OSBPL10: variants seen among roughly 807,000 people sequenced by gnomAD.
The protein encoded by OSBPL10 is oxysterol binding protein like 10, also known as oxysterol-binding protein-related protein 10.
Under a neutral mutation model 81.7 loss-of-function variants are expected in OSBPL10, and 49 were observed. The observed-to-expected ratio is 0.60, with a 90% CI of 0.48 to 0.76. The LOEUF (loss-of-function observed/expected upper bound fraction) is 0.76. Among genes scored for constraint, OSBPL10 ranks in the 30% least tolerant of loss-of-function variants. The pLI, the probability that OSBPL10 is intolerant of heterozygous loss-of-function variation, is 0.00. For synonymous variants in OSBPL10, 419 were observed against 383.6 expected, an observed-to-expected ratio of 1.09 and a Z score of -1.08; for missense variants, 923 against 987.8, an observed-to-expected ratio of 0.93 and a Z score of 0.88.
chr3:31,763,791 C>A (rs891975179), intron 4 of OSBPL10, among the ~76,000 whole-genome samples: 4 of 152,050 alleles, frequency 2.6e-5, no homozygotes, highest in Non-Finnish European at 4.4e-5. Context: ...AGAAAAAAAA[C>A]TGGGCAAAAA....
chr3:31,923,424 G>A (rs917190869), intron 1 of OSBPL10, among the ~76,000 whole-genome samples: 1 of 152,142 alleles, frequency 6.6e-6, no homozygotes, highest in Non-Finnish European at 1.5e-5. Flanking sequence ...GGATCGTAAC[G>A]AGGAAATAAA....
intron 1 of OSBPL10, among the ~76,000 whole-genome samples, chr3:32,070,136 C>G (rs1003441401): frequency 2.0e-5 from 3 of 152,186 alleles, no homozygotes; most frequent in African/African-American, 7.2e-5. Flanking sequence ...CTTTAGGTAA[C>G]TCTTATGGTG....
intron 1 of OSBPL10, among the ~76,000 whole-genome samples, chr3:31,908,342 G>A (rs1441954357): frequency 2.0e-5 from 3 of 152,196 alleles, no homozygotes; most frequent in Non-Finnish European, 4.4e-5. Flanking sequence ...GTGGAGAAAG[G>A]GGGATCCACT....
chr3:31,926,127 G>A (rs984152213), intron 1 of OSBPL10, among the ~76,000 whole-genome samples: 3 of 152,176 alleles, frequency 2.0e-5, no homozygotes, highest in African/African-American at 7.2e-5. Context: ...TTTGAGGACA[G>A]GGATGTTTCC....
intron 4 of OSBPL10, among the ~76,000 whole-genome samples, chr3:31,759,069 G>T (rs187393746): frequency 1.1e-4 from 17 of 152,266 alleles, no homozygotes; most frequent in Admixed American, 1.1e-3. Flanking sequence ...CTACACAAAG[G>T]TTAAAAATTG....
chr3:31,970,220 A>C (rs1427601005), intron 1 of OSBPL10, among the ~76,000 whole-genome samples: 1 of 152,166 alleles, frequency 6.6e-6, no homozygotes, highest in Non-Finnish European at 1.5e-5. Context: ...CTTGCAAAAG[A>C]AGCATATTCC....
chr3:32,045,108 C>A (rs1473861325), intron 2 of OSBPL10, among the ~76,000 whole-genome samples: 1 of 152,178 alleles, frequency 6.6e-6, no homozygotes, highest in Admixed American at 6.5e-5. Context: ...AGAGGCCTTG[C>A]CTTTTAAGAT....
chr3:31,974,555 A>G (rs552229707), intron 1 of OSBPL10, among the ~76,000 whole-genome samples: 11 of 152,342 alleles, frequency 7.2e-5, no homozygotes, highest in African/African-American at 2.4e-4. Flanking sequence ...CCAAATAGCA[A>G]TGAAAATAAA....
At chr3:31,855,324 G>C (rs1018735191) in intron 3 of OSBPL10, among the ~76,000 whole-genome samples, 2 of 152,190 alleles carry the variant, frequency 1.3e-5, no homozygotes, top group African/African-American at 4.8e-5. Flanking sequence ...TCGGTGAGTT[G>C]TCATGTATCT....
chr3:31,790,319 T>C (rs1446462647), intron 4 of OSBPL10, among the ~76,000 whole-genome samples: 1 of 152,218 alleles, frequency 6.6e-6, no homozygotes, highest in Non-Finnish European at 1.5e-5. Flanking sequence ...TAAATTAGGA[T>C]GACTTTTCTC....
chr3:31,971,915 C>T (rs1698577373), intron 1 of OSBPL10, among the ~76,000 whole-genome samples: 1 of 152,194 alleles, frequency 6.6e-6, no homozygotes, highest in Non-Finnish European at 1.5e-5. Flanking sequence ...GGACTGTCAG[C>T]TCCTTAAGGT....
intron 4 of OSBPL10, among the ~76,000 whole-genome samples, chr3:31,816,978 CCCATCTCTCTGCCCTCTTCGTCCCCTGG>C (rs1699851706): frequency 6.6e-6 from 1 of 152,182 alleles, no homozygotes; most frequent in Non-Finnish European, 1.5e-5. Context: ...AGCTCATCAT[CCCATCTCTCTGCCCTCTTCGTCCCCTGG>C]CCATCTCGTC....
chr3:31,830,381 C>T (rs546463194), intron 3 of OSBPL10, 150 bp from the exon 4 acceptor site: 1 of 744,724 alleles, frequency 1.3e-6, no homozygotes, highest in South Asian at 2.0e-5. Context: ...CACTGCATGC[C>T]CAAATCCCAC....
At chr3:31,768,634 C>T (rs1698270733) in intron 4 of OSBPL10, among the ~76,000 whole-genome samples, 1 of 152,044 alleles carries the variant, frequency 6.6e-6, no homozygotes, top group Non-Finnish European at 1.5e-5. Flanking sequence ...AATTTAGTAG[C>T]AATAAAAGGT....
At chr3:31,677,224 G>A (rs1337814117) in intron 8 of OSBPL10, among the ~76,000 whole-genome samples, 2 of 152,210 alleles carry the variant, frequency 1.3e-5, no homozygotes, top group Non-Finnish European at 2.9e-5. Context: ...AGCTCTGAGT[G>A]TGGGAGCCAG....
intron 6 of OSBPL10, among the ~76,000 whole-genome samples, chr3:31,731,723 G>A (rs1264448721): frequency 6.6e-6 from 1 of 152,112 alleles, no homozygotes; most frequent in South Asian, 2.1e-4. Context: ...TCCTGACCTC[G>A]TGATCCGTCT....
intron 10 of OSBPL10, among the ~76,000 whole-genome samples, chr3:31,666,371 A>G (rs1700191212): frequency 6.6e-6 from 1 of 152,208 alleles, no homozygotes; most frequent in African/African-American, 2.4e-5. Flanking sequence ...CAGGAATTCT[A>G]GTTGGGGACT....
chr3:31,907,619 C>CCA (rs1308181377), intron 1 of OSBPL10, among the ~76,000 whole-genome samples: 23 of 63,858 alleles, frequency 3.6e-4, no homozygotes, highest in East Asian at 5.2e-4. Context: ...ACCTCCATCT[C>CCA]AAAAAAAAAA....
At chr3:31,914,450 AGCAG>A (rs1559516069) in intron 1 of OSBPL10, among the ~76,000 whole-genome samples, 1 of 152,342 alleles carries the variant, frequency 6.6e-6, no homozygotes, top group East Asian at 1.9e-4. Flanking sequence ...AGGATATGGC[AGCAG>A]GCAGTGTTTC....
Sources: allele counts gnomAD v4.1 joint callset (sites outside exome capture counted in the v4.1 genomes callset), GRCh38; gene constraint gnomAD v4.1.1; transcripts MANE v1.5; gene names NCBI Gene and HGNC (gene_info 2026-07-23, HGNC 2026-07-21).